EEF1AKMT3: variants seen among roughly 807,000 people sequenced by gnomAD.
EEF1AKMT3 encodes EEF1A lysine methyltransferase 3.
In EEF1AKMT3, 17 loss-of-function variants were observed where a neutral mutation model predicts 17.8. That is an observed-to-expected ratio of 0.96 (90% CI 0.65 to 1.43). EEF1AKMT3 has a LOEUF of 1.43. Ranked by LOEUF, EEF1AKMT3 falls within the 40% of genes most tolerant of loss-of-function variation. The pLI, the probability that EEF1AKMT3 is intolerant of heterozygous loss-of-function variation, is 0.00. For missense variants in EEF1AKMT3, 244 were observed against 285.8 expected (o/e 0.85, Z 1.06); for synonymous variants, 116 against 126.5 (o/e 0.92, Z 0.56).
rs536788916 is a variant in EEF1AKMT3 at position 57,778,307 on chromosome 12, T to TTC, written c.290-1947_290-1946insCT. On this transcript the variant is annotated intron_variant, in intron 2 of 2. Transcript: ENST00000300209. ...ACCATCCTGAGCTTTTTTTTTTTTT[T>TTC]TGAGACAGGTTCTCACTCTGTTGCC... Among the ~76,000 whole-genome samples the TTC allele has an allele frequency of 2.8e-5, 3 of 105,314 alleles. 1 individual carries two copies. The highest frequency in any genetic ancestry group is 1.1e-4 in the Admixed American group (1 of 9,136). 69.1% of individuals were successfully genotyped at this position (105,314 alleles called of 152,430 possible). A position where few individuals can be genotyped will look rare whatever the true frequency, so the allele number is the denominator to read the frequency against.
At chr12:57,776,607 C>T (rs899521403) in intron 2 of EEF1AKMT3, among the ~76,000 whole-genome samples, 15 of 152,180 alleles carry the variant, frequency 9.9e-5, no homozygotes, top group African/African-American at 3.1e-4. Context: ...CTGCCATCTT[C>T]ACCCTCACCT....
At chr12:57,779,130 A>T (rs1466934476) in intron 2 of EEF1AKMT3, among the ~76,000 whole-genome samples, 1 of 152,156 alleles carries the variant, frequency 6.6e-6, no homozygotes, top group Non-Finnish European at 1.5e-5. Context: ...TTAAAATTAC[A>T]TTCAGGCTGC....
At chr12:57,774,532 C>A in intron 2 of EEF1AKMT3, 1 of 627,750 alleles carries the variant, frequency 1.6e-6, no homozygotes. Flanking sequence ...TTCTTCTATT[C>A]ATTCAACCAA....
intron 2 of EEF1AKMT3, among the ~76,000 whole-genome samples, chr12:57,774,400 A>C (rs1195595856): frequency 1.3e-5 from 2 of 152,176 alleles, no homozygotes; most frequent in Non-Finnish European, 2.9e-5. Context: ...GAATCGCTTG[A>C]ACCCGGGAGG....
intron 2 of EEF1AKMT3, among the ~76,000 whole-genome samples, chr12:57,779,797 C>T (rs1157807473): frequency 6.6e-6 from 1 of 152,148 alleles, no homozygotes; most frequent in Non-Finnish European, 1.5e-5. Flanking sequence ...GCAGCCTTTC[C>T]TGAATATGCC....
At position 57,773,062 on chromosome 12, in the gene EEF1AKMT3, C is replaced by T; in HGVS notation, c.223C>T (p.Arg75Ter). ...NYFESQNVDF[R>*]GKKVIELGAG... ...TTTCGAGAGTCAAAATGTGGATTTC[C>T]GAGGCAAGAAGGTGATCGAACTGGG... Residue 75 changes from arginine to a stop codon, truncating the protein, a stop_gained, in exon 2 of 3, where the codon CGA becomes TGA. Transcript: ENST00000300209. LOFTEE classifies it high-confidence loss of function. 6.2e-7 allele frequency: 1 copy of T among 1,614,070 alleles called. No individual in the cohort carries two copies. The highest frequency in any genetic ancestry group is 8.5e-7 in the Non-Finnish European group (1 of 1,180,022).
intron 2 of EEF1AKMT3, 49 bp from the exon 3 acceptor site, chr12:57,780,206 C>A (rs1306279465): frequency 6.3e-7 from 1 of 1,599,874 alleles, no homozygotes; most frequent in South Asian, 1.1e-5. Context: ...AGCCAAGAAC[C>A]CTTGGTTGGT....
intron 2 of EEF1AKMT3, among the ~76,000 whole-genome samples, chr12:57,776,987 G>A (rs933652908): frequency 4.6e-5 from 7 of 152,238 alleles, no homozygotes; most frequent in African/African-American, 9.6e-5. Context: ...TGTTTTCTCA[G>A]AAAATGTCCA....
At chr12:57,774,929 A>G (rs1384889829) in intron 2 of EEF1AKMT3, among the ~76,000 whole-genome samples, 1 of 151,854 alleles carries the variant, frequency 6.6e-6, no homozygotes, top group Admixed American at 6.6e-5. Flanking sequence ...AACATGGAGA[A>G]ACCCCATCTC....
Position 57,773,002 on chromosome 12 carries a change from T to C in EEF1AKMT3, c.178-15T>C, listed in dbSNP as rs748179581. 1.2e-6 allele frequency: 2 copies of C among 1,614,046 alleles called. No individual in the cohort carries two copies. The highest frequency in any genetic ancestry group is 4.5e-5 in the East Asian group (2 of 44,888). ...ATCCTCACGACTGTCTTTTTCTCTG[T>C]CTTTTCTCCCGTAGGCCCTGAGCCT... On this transcript the variant is annotated splice_polypyrimidine_tract_variant and intron_variant, in intron 1 of 2. Coordinates refer to ENST00000300209, the MANE Select transcript of EEF1AKMT3 (RefSeq NM_015433.3).
At chr12:57,774,823 C>A in intron 2 of EEF1AKMT3, 2 of 1,504,508 alleles carry the variant, frequency 1.3e-6, no homozygotes, top group Non-Finnish European at 1.8e-6. Flanking sequence ...TGGAGGGTGC[C>A]GGCCGGGCTC....
In EEF1AKMT3 at chr12:57,780,776, C is replaced by G. The variant is rs565041445; in HGVS notation, c.*130C>G. On this transcript the variant is annotated 3_prime_UTR_variant, in exon 3 of 3. Transcript: ENST00000300209. ...TTTCCCTGGCCTCTCTCACTTTCCT[C>G]CTTCCCTCTTTGTTACCCCAGATAC... 1 of 1,257,188 alleles carries G rather than the reference C, an allele frequency of 8.0e-7. No individual in the cohort carries two copies. The highest frequency in any genetic ancestry group is 1.5e-5 in the South Asian group (1 of 68,714). 77.9% of individuals were successfully genotyped at this position (1,257,188 alleles called of 1,614,324 possible). A position where few individuals can be genotyped will look rare whatever the true frequency, so the allele number is the denominator to read the frequency against.
At position 57,772,903 on chromosome 12, in the gene EEF1AKMT3, T is replaced by A. The variant is rs1445224907; in HGVS notation, c.177+2T>A. 1 of 1,613,842 alleles carries A rather than the reference T, an allele frequency of 6.2e-7. No individual in the cohort carries two copies. Reference sequence around the variant, plus strand: ...GTGGCGGCGCGCGTGTGGGACGCGGTGAGGAATGGGCTGCGCCGGGTGAGG... The same window carrying A: ...GTGGCGGCGCGCGTGTGGGACGCGGAGAGGAATGGGCTGCGCCGGGTGAGG... On this transcript the variant is annotated splice_donor_variant, in intron 1 of 2. Transcript: ENST00000300209. LOFTEE classifies it high-confidence loss of function. This position sits in a 1 kb window ranked among gnomAD's most constrained non-coding sequence, Gnocchi z 4.1.
intron 2 of EEF1AKMT3, among the ~76,000 whole-genome samples, chr12:57,778,293 CTTTTTT>C (rs56919999): frequency 2.3e-5 from 1 of 43,994 alleles, no homozygotes; most frequent in African/African-American, 8.1e-5. Context: ...CCATCCTGAG[CTTTTTT>C]TTTTTTTTTG....
intron 2 of EEF1AKMT3, among the ~76,000 whole-genome samples, chr12:57,775,088 A>C (rs1955471800): frequency 6.8e-6 from 1 of 146,520 alleles, no homozygotes. Context: ...CTGAGCAACA[A>C]GAGTGAAACG....
chr12:57,779,160 C>A (rs1367116715), intron 2 of EEF1AKMT3, among the ~76,000 whole-genome samples: 1 of 152,162 alleles, frequency 6.6e-6, no homozygotes, highest in Non-Finnish European at 1.5e-5. Flanking sequence ...GTCCTCTATG[C>A]CCTGGGGTCT....
chr12:57,780,723 C>A lies in EEF1AKMT3; in HGVS notation c.*77C>A, dbSNP rs550089089. On this transcript the variant is annotated 3_prime_UTR_variant, in exon 3 of 3. Coordinates refer to ENST00000300209, the MANE Select transcript of EEF1AKMT3 (RefSeq NM_015433.3). ...ATCTCAAAAACCATATTTCCAGAGC[C>A]ACAAACATGAGGACCAAAAAGGATG... 1.9e-5 allele frequency: 30 copies of A among 1,556,816 alleles called. No individual in the cohort carries two copies. In the African/African-American group the frequency reaches 3.0e-4, roughly 16 times the overall value.
At chr12:57,779,026 A>AT (rs781363187) in intron 2 of EEF1AKMT3, among the ~76,000 whole-genome samples, 19 of 152,012 alleles carry the variant, frequency 1.2e-4, no homozygotes, top group Non-Finnish European at 2.4e-4. Flanking sequence ...CACCCAGCTA[A>AT]TTTTTTTGTA....
intron 2 of EEF1AKMT3, among the ~76,000 whole-genome samples, chr12:57,779,590 C>T (rs751870162): frequency 2.0e-5 from 3 of 152,164 alleles, no homozygotes; most frequent in Admixed American, 6.5e-5. Context: ...ATATACCCAG[C>T]ACTTAGAAGG....
Sources: gnomAD v4.1 joint callset for allele counts (sites outside exome capture counted in the v4.1 genomes callset) on GRCh38, gnomAD v4.1.1 for gene constraint, Gnocchi (gnomAD v3.1) non-coding constraint, MANE v1.5 for transcripts, NCBI Gene and HGNC (gene_info 2026-07-23, HGNC 2026-07-21) for gene names.